LRRC45: variants seen among roughly 807,000 people sequenced by gnomAD.
LRRC45 encodes the protein leucine-rich repeat-containing protein 45.
LRRC45 carries 73 observed loss-of-function variants against 85.4 expected under a neutral mutation model. The observed-to-expected ratio is 0.85, with a 90% CI of 0.71 to 1.04. The LOEUF is 1.04. LRRC45 is among the 50% of genes least tolerant of loss of function. The pLI is 0.00. For synonymous variants in LRRC45, 429 were observed against 386.0 expected, an observed-to-expected ratio of 1.11 and a Z score of -1.31; for missense variants, 937 against 883.3, an observed-to-expected ratio of 1.06 and a Z score of -0.77.
chr17:82,027,787 G>A (rs768733980), intron 8 of LRRC45, 36 bp downstream of exon 8: 66 of 1,597,260 alleles, frequency 4.1e-5, no homozygotes, highest in Non-Finnish European at 5.5e-5. Context: ...CTTCAGAGAC[G>A]TGCCCACAGG....
At chr17:82,029,741 G>A (rs1324828744) in intron 14 of LRRC45, 106 bp downstream of exon 14, 1 of 1,154,144 alleles carries the variant, frequency 8.7e-7, no homozygotes, top group African/African-American at 1.5e-5. Flanking sequence ...CGGGAGTGTG[G>A]TGTTGAGGTC....
chr17:82,028,169 G>C lies in LRRC45; in HGVS notation c.1047+23G>C, dbSNP rs746364656. 3.2e-6 allele frequency: 5 copies of C among 1,561,014 alleles called. No individual in the cohort carries two copies. In the Admixed American group the frequency reaches 7.8e-5, roughly 24 times the overall value. On this transcript the variant is annotated intron_variant, in intron 9 of 16. Coordinates refer to ENST00000306688, the MANE Select transcript of LRRC45 (RefSeq NM_144999.4). The stretch of plus-strand genomic sequence containing the variant: ...CAGGTGGGTGGGCAGGGCTTGAGAG[G>C]GGTGGGCCAAGGGGTGCGTGGCGGC...
rs1448881306 is a variant in LRRC45, at chr17:82,027,690, G to T, written c.850G>T (p.Val284Leu). 6.2e-7 allele frequency: 1 copy of T among 1,610,766 alleles called. No homozygotes were observed. Among genetic ancestry groups the T allele is most frequent in the Non-Finnish European group, 8.5e-7 (1 of 1,179,074 alleles). Reference protein sequence around the residue: ...AKSSRASAARVGQLQEALNER... With the variant: ...AKSSRASAARLGQLQEALNER... ...TGCCCACAGGGCGTCGGCAGCCCGT[G>T]TAGGGCAGCTTCAGGAAGCCCTGAA... is the stretch of plus-strand genomic sequence containing the variant. Residue 284 changes from valine to leucine, a missense_variant, in exon 8 of 17, where the codon GTA (valine) becomes TTA (leucine). Transcript: ENST00000306688.
chr17:82,029,907 G>GGA (rs2043402619), intron 14 of LRRC45, among the ~76,000 whole-genome samples, 158 bp from the exon 15 acceptor site: 1 of 152,202 alleles, frequency 6.6e-6, no homozygotes, highest in South Asian at 2.1e-4. Flanking sequence ...GAGCCCAGAG[G>GGA]GCATCTGGAG....
At chr17:82,029,976 A>T in intron 14 of LRRC45, 89 bp from the exon 15 acceptor site, 1 of 1,410,004 alleles carries the variant, frequency 7.1e-7, no homozygotes, top group Non-Finnish European at 9.3e-7. Flanking sequence ...CCAGTCCTGC[A>T]GAGAGGTGGG....
rs752426837 is a variant in LRRC45, at chr17:82,030,826, G to C, written c.*21G>C. On this transcript the variant is annotated 3_prime_UTR_variant, in exon 17 of 17. Transcript: ENST00000306688. ...AGTGAGACAGGCCGGGAGGACCCGG[G>C]CGCAGTAGGAGTGCATCAGGCGGCG... 1 of 1,329,496 alleles carries C rather than the reference G, an allele frequency of 7.5e-7. No individual in the cohort carries two copies. The highest frequency in any genetic ancestry group is 2.5e-5 in the South Asian group (1 of 40,638). The allele number at this position is 1,329,496 out of a possible 1,614,324, so 82.4% of individuals were successfully genotyped here. A position where few individuals can be genotyped will look rare whatever the true frequency, so the allele number is the denominator to read the frequency against.
In LRRC45 at chr17:82,026,930, C is replaced by T. The variant is rs775082996; in HGVS notation, c.693C>T (p.Leu231=). 1.6e-5 allele frequency: 25 copies of T among 1,607,678 alleles called. No individual in the cohort carries two copies. In the South Asian group the frequency reaches 1.8e-4, roughly 11 times the overall value. ...EQAMGHSQDR[L]TTFQENQART... ...CCATGGGCCACAGCCAGGACCGGCT[C>T]ACCACCTTCCAGGAGAACCAAGCCC... Residue 231 remains leucine, a synonymous_variant, in exon 6 of 17, where the codon CTC becomes CTT. Transcript: ENST00000306688.
Position 82,024,334 on chromosome 17 carries a change from T to C in LRRC45, c.277T>C (p.Leu93=). The C allele has an allele frequency of 3.7e-6, 6 of 1,612,316 alleles. No homozygotes were observed. The highest frequency in any genetic ancestry group is 5.1e-6 in the Non-Finnish European group (6 of 1,179,896). ...CANTVLRFLD[L]KGNNLRAAGA... ...CAACACCGTGCTGCGCTTTCTGGACTTAAAGGTGAGATACCTGCACTCTTG... is the reference window on the plus strand; with the variant it reads ...CAACACCGTGCTGCGCTTTCTGGACCTAAAGGTGAGATACCTGCACTCTTG... The change falls in exon 2 of 17, where the codon TTA becomes CTA. Residue 93 remains leucine, a synonymous_variant. Coordinates refer to ENST00000306688, the MANE Select transcript of LRRC45 (RefSeq NM_144999.4).
chr17:82,023,536 G>C lies in LRRC45; in HGVS notation c.-108G>C. On this transcript the variant is annotated 5_prime_UTR_variant, in exon 1 of 17. Coordinates refer to ENST00000306688, the MANE Select transcript of LRRC45 (RefSeq NM_144999.4). ...CTCGGATTGCTCTCCGCCCGGGTCGGCGGAGGCCCCGTCTCCTGTACCCGG... is the reference window on the plus strand; with the variant it reads ...CTCGGATTGCTCTCCGCCCGGGTCGCCGGAGGCCCCGTCTCCTGTACCCGG... 1 of 1,021,638 alleles carries C rather than the reference G, an allele frequency of 9.8e-7. No homozygotes were observed. Among genetic ancestry groups the C allele is most frequent in the Non-Finnish European group, 1.4e-6 (1 of 731,276 alleles). 63.3% of individuals were successfully genotyped at this position (1,021,638 alleles called of 1,614,324 possible).
At chr17:82,029,266 A>G in intron 13 of LRRC45, 81 bp downstream of exon 13, 1 of 1,340,708 alleles carries the variant, frequency 7.5e-7, no homozygotes, top group Non-Finnish European at 1.0e-6. Flanking sequence ...TCGCCGCCTC[A>G]GGACCAGAGA....
chr17:82,028,539 C>G (rs540106976), intron 11 of LRRC45, 31 bp downstream of exon 11: 1 of 1,611,784 alleles, frequency 6.2e-7, no homozygotes, highest in South Asian at 1.1e-5. Flanking sequence ...TGTGGAGGGG[C>G]CTGGGGATGG....
At chr17:82,024,837 C>T (rs1037434240) in intron 3 of LRRC45, 74 bp downstream of exon 3, 7 of 1,483,816 alleles carry the variant, frequency 4.7e-6, no homozygotes, top group Non-Finnish European at 6.3e-6. Flanking sequence ...GCTTCTGCAG[C>T]CCAAGAGTTC....
intron 2 of LRRC45, 130 bp from the exon 3 acceptor site, chr17:82,024,563 C>T: frequency 8.7e-7 from 1 of 1,148,616 alleles, no homozygotes; most frequent in Admixed American, 2.3e-5. Flanking sequence ...GACAGGGAGC[C>T]CAGGAGCTGA....
At position 82,024,985 on chromosome 17, in the gene LRRC45, C is replaced by T. The variant is rs200468228; in HGVS notation, c.354-15C>T. 6.5e-7 allele frequency: 1 copy of T among 1,548,178 alleles called. No individual in the cohort carries two copies. Among genetic ancestry groups the T allele is most frequent in the East Asian group, 2.4e-5 (1 of 42,260 alleles). On this transcript the variant is annotated splice_polypyrimidine_tract_variant and intron_variant, in intron 3 of 16. Coordinates refer to ENST00000306688, the MANE Select transcript of LRRC45 (RefSeq NM_144999.4). ...CAGTCCCCTAGGTGAACACTGGCTT[C>T]TGCCCCTCCTGCAGCCTCACGCTGG...
rs1035341902 is a variant in LRRC45, at chr17:82,027,388, C to T, written c.777C>T (p.Phe259=). 5 of 1,612,480 alleles carry T rather than the reference C, an allele frequency of 3.1e-6. No homozygotes were observed. In the Middle Eastern group the frequency reaches 6.6e-4, roughly 212 times the overall value. ...QHLREEKSKQ[F]LDLMETIDKQ... ...GCTGCGGCTGTCTCTGTCCCCAGTT[C>T]CTCGACTTGATGGAGACTATTGATA... Residue 259 remains phenylalanine (F), a splice_region_variant and synonymous_variant, in exon 7 of 17, where the codon TTC becomes TTT. Coordinates refer to ENST00000306688, the MANE Select transcript of LRRC45 (RefSeq NM_144999.4).
At position 82,023,685 on chromosome 17, in the gene LRRC45, G is replaced by C; in HGVS notation, c.42G>C (p.Glu14Asp). 6.4e-7 allele frequency: 1 copy of C among 1,552,720 alleles called. No individual in the cohort carries two copies. Among genetic ancestry groups the C allele is most frequent in the East Asian group, 2.3e-5 (1 of 42,738 alleles). The change falls in exon 1 of 17, where the codon GAG becomes GAC. Residue 14 changes from glutamate to aspartate, a missense_variant. Glu to Asp is a conservative substitution (Grantham distance 45). Transcript: ENST00000306688. The part of the protein sequence containing the change: ...FRRSYSRLCR[E>D]SGAEPQEAVL... ...GCTCCTACAGCCGCCTGTGCAGGGA[G>C]AGTGGGGCCGAGCCCCAGGAGGCTG...
At chr17:82,026,546 C>T (rs143971858) in intron 5 of LRRC45, among the ~76,000 whole-genome samples, 28 of 147,860 alleles carry the variant, frequency 1.9e-4, no homozygotes, top group Admixed American at 4.0e-4. Flanking sequence ...TAAGCAGCCC[C>T]GGGGTGACAC....
chr17:82,029,865 G>A (rs2043402091), intron 14 of LRRC45, among the ~76,000 whole-genome samples, 200 bp from the exon 15 acceptor site: 1 of 152,240 alleles, frequency 6.6e-6, no homozygotes, highest in Non-Finnish European at 1.5e-5. Flanking sequence ...TGGATGGATG[G>A]GAGGGGTGGT....
chr17:82,025,586 G>A lies in LRRC45; in HGVS notation c.661+79G>A, dbSNP rs747188204. 1.8e-3 allele frequency: 2,534 copies of A among 1,444,816 alleles called. 9 individuals are homozygous for A. The highest frequency in any genetic ancestry group is 2.2e-3 in the Non-Finnish European group (2,393 of 1,091,382). 89.5% of individuals were successfully genotyped at this position (1,444,816 alleles called of 1,614,324 possible). A position where few individuals can be genotyped will look rare whatever the true frequency, so the allele number is the denominator to read the frequency against. On this transcript the variant is annotated intron_variant, in intron 5 of 16. Coordinates refer to ENST00000306688, the MANE Select transcript of LRRC45 (RefSeq NM_144999.4). ...CACCGAGGGCGGGGTGCCGGGCTCA[G>A]GACGGGAACTGATGAGGAGAGCAGC...
Sources: allele counts gnomAD v4.1 joint callset (sites outside exome capture counted in the v4.1 genomes callset), GRCh38; gene constraint gnomAD v4.1.1; transcripts MANE v1.5; gene names NCBI Gene and HGNC (gene_info 2026-07-23, HGNC 2026-07-21).